RNF150: variants seen among roughly 807,000 people sequenced by gnomAD.
RNF150 encodes the protein ring finger protein 150.
A neutral mutation model predicts 39.3 loss-of-function variants in RNF150; 24 were observed. The observed-to-expected ratio is 0.61, with a 90% confidence interval of 0.44 to 0.86. The LOEUF is 0.86. RNF150 is among the 40% of genes least tolerant of loss of function. The pLI, the probability that RNF150 is intolerant of heterozygous loss-of-function variation, is 0.00. For missense variants in RNF150, 502 were observed against 587.8 expected, an observed-to-expected ratio of 0.85 and a Z score of 1.51; for synonymous variants, 255 against 227.3, an observed-to-expected ratio of 1.12 and a Z score of -1.10.
chr4:141,022,921 A>G (rs1005939855), intron 1 of RNF150, among the ~76,000 whole-genome samples: 3 of 152,162 alleles, frequency 2.0e-5, no homozygotes, highest in African/African-American at 7.2e-5. Flanking sequence ...TTCCATCTAA[A>G]TTTGCCACTC....
chr4:141,181,351 AT>A (rs1487083359), intron 1 of RNF150, among the ~76,000 whole-genome samples: 8 of 152,240 alleles, frequency 5.3e-5, no homozygotes, highest in Non-Finnish European at 1.2e-4. Context: ...AGAAAATAGA[AT>A]CCATATAATA....
At chr4:140,926,772 AC>A (rs1356145848) in intron 4 of RNF150, among the ~76,000 whole-genome samples, 4 of 152,194 alleles carry the variant, frequency 2.6e-5, no homozygotes, top group African/African-American at 9.7e-5. Flanking sequence ...CTTTCTCTGA[AC>A]TTCGCTTGAA....
chr4:140,977,181 T>C (rs929418793), intron 1 of RNF150, among the ~76,000 whole-genome samples: 7 of 152,178 alleles, frequency 4.6e-5, no homozygotes. Context: ...ACCATTACTG[T>C]TGTCTTACCA....
intron 1 of RNF150, among the ~76,000 whole-genome samples, chr4:141,097,985 C>T (rs1262454756): frequency 2.0e-5 from 3 of 152,122 alleles, no homozygotes; most frequent in Non-Finnish European, 1.5e-5. Flanking sequence ...TCAGATGCCC[C>T]CCTCCCTTAT....
At chr4:140,987,164 T>G (rs1421352162) in intron 1 of RNF150, among the ~76,000 whole-genome samples, 1 of 152,070 alleles carries the variant, frequency 6.6e-6, no homozygotes, top group Non-Finnish European at 1.5e-5. Context: ...ATTGGAAGAA[T>G]TAATATCATT....
chr4:140,902,797 T>C (rs917725750), intron 6 of RNF150, among the ~76,000 whole-genome samples: 2 of 152,206 alleles, frequency 1.3e-5, no homozygotes, highest in African/African-American at 4.8e-5. Flanking sequence ...AGGCTACAGC[T>C]GTGGACGGAG....
At chr4:140,961,075 C>T (rs1560988131) in intron 2 of RNF150, among the ~76,000 whole-genome samples, 1 of 152,078 alleles carries the variant, frequency 6.6e-6, no homozygotes, top group Non-Finnish European at 1.5e-5. Flanking sequence ...AAGTTGGTAT[C>T]TTTAGCTATT....
intron 1 of RNF150, among the ~76,000 whole-genome samples, chr4:141,148,645 T>G (rs1727243102): frequency 6.6e-6 from 1 of 152,180 alleles, no homozygotes; most frequent in Non-Finnish European, 1.5e-5. Context: ...TTCACCATGT[T>G]GGACAGGCTG....
intron 1 of RNF150, among the ~76,000 whole-genome samples, chr4:140,975,188 C>T (rs759723157): frequency 1.1e-4 from 16 of 152,136 alleles, no homozygotes; most frequent in Admixed American, 2.6e-4. Flanking sequence ...CCTGGTAGGT[C>T]GAGGAGCCCG....
rs555344876 is a variant in RNF150, at chr4:141,033,926, G to A, written c.485-66053C>T. Among the ~76,000 whole-genome samples the A allele has an allele frequency of 5.3e-5, 8 of 152,212 alleles. 1 individual carries two copies. Among genetic ancestry groups the A allele is most frequent in the African/African-American group, 1.2e-4 (5 of 41,544 alleles). ...CACATGCAGAAATGTAACATAATTCGTAAGGGGGCTAGGATCTTCAGAATG... is the reference window on the plus strand; with the variant it reads ...CACATGCAGAAATGTAACATAATTCATAAGGGGGCTAGGATCTTCAGAATG... On this transcript the variant is annotated intron_variant, in intron 1 of 6. Coordinates refer to ENST00000515673, the MANE Select transcript of RNF150 (RefSeq NM_020724.2).
intron 1 of RNF150, among the ~76,000 whole-genome samples, chr4:141,002,825 C>T (rs1453778292): frequency 6.6e-6 from 1 of 151,914 alleles, no homozygotes; most frequent in Non-Finnish European, 1.5e-5. Context: ...CTCACTGAGC[C>T]ATTGTTTTCC....
intron 2 of RNF150, among the ~76,000 whole-genome samples, chr4:140,966,080 A>G (rs748218856): frequency 4.6e-5 from 7 of 152,134 alleles, no homozygotes; most frequent in Admixed American, 1.3e-4. Context: ...CACGCCTGTA[A>G]TCCCAGCACT....
chr4:140,897,221 C>G (rs1419953228), intron 6 of RNF150, among the ~76,000 whole-genome samples: 2 of 152,168 alleles, frequency 1.3e-5, no homozygotes, highest in African/African-American at 4.8e-5. Flanking sequence ...TCCAGTACCC[C>G]TGCATACAAT....
At chr4:140,915,829 G>T (rs1578960374) in intron 5 of RNF150, among the ~76,000 whole-genome samples, 1 of 152,184 alleles carries the variant, frequency 6.6e-6, no homozygotes, top group African/African-American at 2.4e-5. Flanking sequence ...ACACGGCCGG[G>T]TACTCGTCTG....
At chr4:140,966,956 T>A (rs770299237) in intron 2 of RNF150, among the ~76,000 whole-genome samples, 2 of 152,192 alleles carry the variant, frequency 1.3e-5, no homozygotes, top group Non-Finnish European at 2.9e-5. Flanking sequence ...GACAATGGAA[T>A]GCTATGCAGT....
intron 1 of RNF150, among the ~76,000 whole-genome samples, chr4:141,147,979 A>C (rs1016608153): frequency 1.4e-4 from 21 of 152,052 alleles, no homozygotes; most frequent in African/African-American, 5.1e-4. Context: ...ATTCTTTAAA[A>C]CCATATATTG....
intron 1 of RNF150, among the ~76,000 whole-genome samples, chr4:141,035,532 C>T (rs1422298818): frequency 6.6e-6 from 1 of 152,108 alleles, no homozygotes; most frequent in Non-Finnish European, 1.5e-5. Flanking sequence ...TAAACTATAT[C>T]TAAATCCCAT....
At chr4:141,062,516 A>G (rs1252306333) in intron 1 of RNF150, among the ~76,000 whole-genome samples, 2 of 152,076 alleles carry the variant, frequency 1.3e-5, no homozygotes, top group Non-Finnish European at 2.9e-5. Flanking sequence ...TTTCCTTTAC[A>G]TATACAAGAT....
intron 1 of RNF150, among the ~76,000 whole-genome samples, chr4:141,199,589 A>G (rs966178169): frequency 6.6e-6 from 1 of 152,182 alleles, no homozygotes; most frequent in African/African-American, 2.4e-5. Context: ...TAAAGAAGTC[A>G]GACCCCCAAA....
Sources: allele counts gnomAD v4.1 joint callset (sites outside exome capture counted in the v4.1 genomes callset), GRCh38; gene constraint gnomAD v4.1.1; transcripts MANE v1.5; gene names NCBI Gene and HGNC (gene_info 2026-07-23, HGNC 2026-07-21).